The following TRABD2B variants were observed in gnomAD, a reference collection of about 807,000 sequenced individuals.
The protein encoded by TRABD2B is metalloprotease TIKI2.
A neutral mutation model predicts 40.1 loss-of-function variants in TRABD2B; 14 were observed. The ratio of observed to expected loss-of-function variants is 0.35; its 90% CI spans 0.23 to 0.55. TRABD2B has a LOEUF of 0.55. Ranked by LOEUF, TRABD2B falls within the 20% of genes least tolerant of loss-of-function variation. TRABD2B has a pLI of 0.90. For synonymous variants in TRABD2B, 263 were observed against 277.0 expected (o/e 0.95, Z 0.50); for missense variants, 541 against 648.6 (o/e 0.83, Z 1.80).
At chr1:47,957,783 C>A (rs1346032588) in intron 2 of TRABD2B, among the ~76,000 whole-genome samples, 1 of 152,212 alleles carries the variant, frequency 6.6e-6, no homozygotes, top group Non-Finnish European at 1.5e-5. Context: ...GGAAAACACT[C>A]TGCAGGATAT....
rs1644276384 is a variant in TRABD2B at position 47,764,351 on chromosome 1, CTG to C, written c.*1549_*1550del. On this transcript the variant is annotated 3_prime_UTR_variant, in exon 7 of 7. Coordinates refer to ENST00000606738, the MANE Select transcript of TRABD2B (RefSeq NM_001194986.2). ...CTTTCTGCTGTCAGGTTCCAGGACTCTGTAATTACTGAGGCACCTGCCCCATA... is the reference window on the plus strand; with the variant it reads ...CTTTCTGCTGTCAGGTTCCAGGACTCTAATTACTGAGGCACCTGCCCCATA... 1.3e-5 allele frequency: 2 copies of C among 152,348 alleles called. No individual in the cohort carries two copies. The highest frequency in any genetic ancestry group is 1.9e-4 in the East Asian group (1 of 5,178). 9.4% of individuals were successfully genotyped at this position (152,348 alleles called of 1,614,324 possible).
At chr1:47,936,545 G>A (rs573262264) in intron 2 of TRABD2B, among the ~76,000 whole-genome samples, 1 of 152,308 alleles carries the variant, frequency 6.6e-6, no homozygotes, top group South Asian at 2.1e-4. Context: ...CGTATCTTCA[G>A]TTACAGAGGA....
At chr1:47,773,000 C>T (rs958743133) in intron 6 of TRABD2B, among the ~76,000 whole-genome samples, 46 of 152,346 alleles carry the variant, frequency 3.0e-4, no homozygotes, top group Admixed American at 7.8e-4. Context: ...CTCTGTGTTT[C>T]GGAGCTATGT....
In TRABD2B at chr1:47,794,797, T is replaced by G. The variant is rs563655236; in HGVS notation, c.814-37A>C. The G allele has an allele frequency of 1.7e-4, 244 of 1,450,808 alleles. 1 individual carries two copies. The African/African-American group carries it at 3.0e-3, about 18-fold the overall frequency. The allele number at this position is 1,450,808 out of a possible 1,614,324, so 89.9% of individuals were successfully genotyped here. ...AGACAGAGGCTGCCTTCAGTTTTTT[T>G]TTTTTTTTTTTTTTTGATAAAGGGT... On this transcript the variant is annotated intron_variant, in intron 3 of 6. Coordinates refer to ENST00000606738, the MANE Select transcript of TRABD2B (RefSeq NM_001194986.2).
At chr1:47,953,193 G>A (rs12563443) in intron 2 of TRABD2B, among the ~76,000 whole-genome samples, 22,780 of 152,204 alleles carry the variant, frequency 0.15, 1,961 homozygotes, top group East Asian at 0.35. Context: ...AGGCATGCAG[G>A]TACTGCACTT....
At chr1:47,860,202 T>C (rs1039418877) in intron 2 of TRABD2B, among the ~76,000 whole-genome samples, 1 of 152,206 alleles carries the variant, frequency 6.6e-6, no homozygotes, top group African/African-American at 2.4e-5. Flanking sequence ...TTCCTGCTGT[T>C]TCCCTCTCTT....
At chr1:47,795,388 C>T (rs561457263) in intron 3 of TRABD2B, among the ~76,000 whole-genome samples, 59 of 152,324 alleles carry the variant, frequency 3.9e-4, no homozygotes, top group African/African-American at 1.4e-3. Flanking sequence ...GAGGCTGGCA[C>T]TGTGCTCATC....
At position 47,775,305 on chromosome 1, in the gene TRABD2B, A is replaced by G; in HGVS notation, c.1214T>C (p.Leu405Pro). 1.6e-6 allele frequency: 2 copies of G among 1,248,918 alleles called. No homozygotes were observed. The highest frequency in any genetic ancestry group is 6.7e-5 in the South Asian group (2 of 29,686). The allele number at this position is 1,248,918 out of a possible 1,614,324, so 77.4% of individuals were successfully genotyped here. A position where few individuals can be genotyped will look rare whatever the true frequency, so the allele number is the denominator to read the frequency against. Reference protein sequence around the residue: ...TAPPEDEDPALSPHLLLPDSL... With the variant: ...TAPPEDEDPAPSPHLLLPDSL... ...GTCGGGGAGCAGGAGGTGTGGGGAC[A>G]GGGCTGGATCCTCATCCTCTGGTGG... Residue 405 changes from leucine to proline, a missense_variant, in exon 6 of 7, where the codon CTG becomes CCG. Physicochemically the swap from Leu to Pro is moderately conservative, Grantham distance 98 (BLOSUM62 -3). Around this residue, in one of 2 missense-constraint regions of TRABD2B, gnomAD observed 172 missense variants for 155.8 expected, o/e 1.10. Transcript: ENST00000606738.
intron 2 of TRABD2B, among the ~76,000 whole-genome samples, chr1:47,919,847 G>A (rs1175291950): frequency 6.6e-6 from 1 of 152,206 alleles, no homozygotes; most frequent in Non-Finnish European, 1.5e-5. Context: ...TTCCTGGAGA[G>A]GGGGGTGCTG....
intron 2 of TRABD2B, among the ~76,000 whole-genome samples, chr1:47,897,962 TG>T (rs1295795681): frequency 2.0e-5 from 3 of 152,186 alleles, no homozygotes; most frequent in Non-Finnish European, 1.5e-5. Context: ...AAAAAATAAC[TG>T]GAAGTTACTT....
rs188598715 is a variant in TRABD2B, at chr1:47,935,394, G to A, written c.666+58640C>T. Among the ~76,000 whole-genome samples the A allele has an allele frequency of 4.6e-5, 7 of 152,242 alleles. No homozygotes were observed. The East Asian group carries it at 9.7e-4, about 21-fold the overall frequency. Reference sequence around the variant, plus strand: ...TACACCACATGTGTTCGCACCCGTCGTCACTGTATTGCAACAGGCTGTTTT... The same window carrying A: ...TACACCACATGTGTTCGCACCCGTCATCACTGTATTGCAACAGGCTGTTTT... On this transcript the variant is annotated intron_variant, in intron 2 of 6. Coordinates refer to ENST00000606738, the MANE Select transcript of TRABD2B (RefSeq NM_001194986.2).
At chr1:47,874,571 CTT>C (rs370059019) in intron 2 of TRABD2B, among the ~76,000 whole-genome samples, 5 of 137,262 alleles carry the variant, frequency 3.6e-5, no homozygotes, top group Admixed American at 7.3e-5. Context: ...CGCGCCCGGC[CTT>C]TTTTTTTTTT....
intron 2 of TRABD2B, among the ~76,000 whole-genome samples, chr1:47,960,610 A>T (rs1305377448): frequency 6.6e-6 from 1 of 152,218 alleles, no homozygotes; most frequent in East Asian, 1.9e-4. Context: ...TCCTATTCAC[A>T]ACTGCTACAA....
At chr1:47,905,364 G>C (rs1644661381) in intron 2 of TRABD2B, among the ~76,000 whole-genome samples, 2 of 152,334 alleles carry the variant, frequency 1.3e-5, no homozygotes, top group South Asian at 4.1e-4. Context: ...GGATGGGGAA[G>C]GGAGTGGTAG....
rs548351939 is a variant in TRABD2B, at chr1:47,930,507, G to T, written c.666+63527C>A. On this transcript the variant is annotated intron_variant, in intron 2 of 6. Coordinates refer to ENST00000606738, the MANE Select transcript of TRABD2B (RefSeq NM_001194986.2). ...CTACGAGTCCGCGATAGTAAACCAGGCCTGCTCTGCCTGCCCTCCTCCCTG... is the reference window on the plus strand; with the variant it reads ...CTACGAGTCCGCGATAGTAAACCAGTCCTGCTCTGCCTGCCCTCCTCCCTG... Among the ~76,000 whole-genome samples, 21 of 152,230 alleles carry T rather than the reference G, an allele frequency of 1.4e-4. 2 individuals are homozygous for T. In the East Asian group the frequency reaches 3.7e-3, roughly 27 times the overall value.
At chr1:47,896,070 G>C (rs969409463) in intron 2 of TRABD2B, among the ~76,000 whole-genome samples, 1 of 152,244 alleles carries the variant, frequency 6.6e-6, no homozygotes, top group Admixed American at 6.5e-5. Context: ...ACCACAGGCT[G>C]TCCCTGCATC....
chr1:47,841,274 A>G (rs1645392610), intron 2 of TRABD2B, among the ~76,000 whole-genome samples: 1 of 152,184 alleles, frequency 6.6e-6, no homozygotes, highest in Non-Finnish European at 1.5e-5. Flanking sequence ...AAGGCACACA[A>G]TTTGCCTTAC....
chr1:47,839,156 C>T (rs547763212), intron 2 of TRABD2B, among the ~76,000 whole-genome samples: 2 of 152,068 alleles, frequency 1.3e-5, no homozygotes, highest in African/African-American at 4.8e-5. Context: ...GGTGACAGGA[C>T]GTTATACAAT....
In TRABD2B at chr1:47,912,469, T is replaced by C. The variant is rs376934113; in HGVS notation, c.666+81565A>G. 1.2e-3 allele frequency among the ~76,000 whole-genome samples: 188 copies of C among 152,338 alleles called. 2 individuals carry two copies. Among genetic ancestry groups the C allele is most frequent in the African/African-American group, 4.2e-3 (175 of 41,570 alleles). On this transcript the variant is annotated intron_variant, in intron 2 of 6. Transcript: ENST00000606738. The stretch of plus-strand genomic sequence containing the variant: ...GATTAAATAAAACCCAGCCGTCTTT[T>C]GGTTTTGGTTTGTTGGGACCTTGGC...
Sources: gnomAD v4.1 joint callset for allele counts (sites outside exome capture counted in the v4.1 genomes callset) on GRCh38, gnomAD v4.1.1 for gene constraint, gnomAD v4.1.1 regional missense constraint, MANE v1.5 for transcripts, NCBI Gene and HGNC (gene_info 2026-07-23, HGNC 2026-07-21) for gene names.